ITGA4: variants seen among roughly 807,000 people sequenced by gnomAD.
The protein encoded by ITGA4 is integrin alpha-4.
ITGA4 carries 63 observed loss-of-function variants against 133.6 expected under a neutral mutation model. The observed-to-expected ratio is 0.47, with a 90% CI of 0.38 to 0.58. ITGA4 has a LOEUF of 0.58. Ranked by LOEUF, ITGA4 falls within the 20% of genes least tolerant of loss-of-function variation. The pLI, the probability that ITGA4 is intolerant of heterozygous loss-of-function variation, is 0.00. For missense variants in ITGA4, 1,076 were observed against 1,252.7 expected (o/e 0.86, Z 2.13); for synonymous variants, 483 against 438.0 (o/e 1.10, Z -1.28).
intron 17 of ITGA4, among the ~76,000 whole-genome samples, chr2:181,519,048 A>G (rs1053553484): frequency 6.6e-6 from 1 of 152,090 alleles, no homozygotes; most frequent in African/African-American, 2.4e-5. Context: ...ATAGTTCCAA[A>G]AATGGAAATT....
chr2:181,530,376 C>T, intron 23 of ITGA4, 148 bp from the exon 24 acceptor site: 1 of 688,794 alleles, frequency 1.5e-6, no homozygotes, highest in Non-Finnish European at 2.3e-6. Flanking sequence ...TAATCACTCC[C>T]AAATCTGTCA....
intron 15 of ITGA4, among the ~76,000 whole-genome samples, chr2:181,507,939 T>G (rs1054656814): frequency 1.3e-5 from 2 of 152,154 alleles, no homozygotes; most frequent in Non-Finnish European, 2.9e-5. Flanking sequence ...AGTGCTTACT[T>G]AATCGAATGA....
intron 6 of ITGA4, among the ~76,000 whole-genome samples, chr2:181,481,199 A>G (rs1039071414): frequency 6.6e-6 from 1 of 152,196 alleles, no homozygotes; most frequent in Non-Finnish European, 1.5e-5. Flanking sequence ...TCGAAAAGTC[A>G]TCACAAAGAT....
intron 11 of ITGA4, 120 bp from the exon 12 acceptor site, chr2:181,494,602 A>C (rs1173791412): frequency 1.5e-6 from 1 of 661,284 alleles, no homozygotes; most frequent in East Asian, 2.6e-5. Flanking sequence ...ACTAAAATGC[A>C]GCTTTGTTAG....
chr2:181,484,975 G>C (rs1200737151), intron 9 of ITGA4, among the ~76,000 whole-genome samples: 1 of 152,074 alleles, frequency 6.6e-6, no homozygotes. Flanking sequence ...TAATACAAAA[G>C]ACTGACATGA....
chr2:181,492,765 T>G (rs1686078156), intron 10 of ITGA4, among the ~76,000 whole-genome samples: 2 of 152,216 alleles, frequency 1.3e-5, no homozygotes, highest in Non-Finnish European at 1.5e-5. Context: ...TGCAGATATC[T>G]CTAACAGATA....
Position 181,537,103 on chromosome 2 carries a change from T to TTTATGACATTTATGTA in ITGA4, c.*1579_*1594dup, listed in dbSNP as rs1263258016. 1.8e-5 allele frequency: 8 copies of TTTATGACATTTATGTA among 452,484 alleles called. No individual in the cohort carries two copies. Among genetic ancestry groups the TTTATGACATTTATGTA allele is most frequent in the Admixed American group, 7.1e-5 (3 of 42,216 alleles). The allele number at this position is 452,484 out of a possible 1,614,324, so 28.0% of individuals were successfully genotyped here. ...AGAGTGTGTATACACAGGAATAAAC[T>TTTATGACATTTATGTA]TTATGACATTTATGTATTTTTAAAA... is the stretch of plus-strand genomic sequence containing the variant. On this transcript the variant is annotated 3_prime_UTR_variant, in exon 28 of 28. Transcript: ENST00000397033.
intron 15 of ITGA4, 152 bp from the exon 16 acceptor site, chr2:181,509,506 T>C (rs144335820): frequency 5.7e-4 from 261 of 459,216 alleles, no homozygotes; most frequent in African/African-American, 2.9e-3. Flanking sequence ...TGAAAAAATA[T>C]ACATCTTCAT....
chr2:181,475,248 A>G lies in ITGA4; in HGVS notation c.516A>G (p.Leu172=). ...TGGCYGVPPD[L]RTELSKRIAP... is the part of the protein sequence containing the mutation. ...GTTGCTATGGAGTGCCCCCTGATTT[A>G]CGAACAGAACTGAGTAAAAGAATAG... Residue 172 remains leucine (L), a synonymous_variant, in exon 4 of 28, where the codon TTA becomes TTG. Transcript: ENST00000397033. 1 of 1,613,208 alleles carries G rather than the reference A, an allele frequency of 6.2e-7. No homozygotes were observed. Among genetic ancestry groups the G allele is most frequent in the South Asian group, 1.1e-5 (1 of 91,056 alleles).
At chr2:181,474,352 G>A (rs1685625549) in intron 2 of ITGA4, among the ~76,000 whole-genome samples, 1 of 152,074 alleles carries the variant, frequency 6.6e-6, no homozygotes, top group Non-Finnish European at 1.5e-5. Context: ...AGATAATCTG[G>A]TTTCCAAATC....
In ITGA4 at chr2:181,537,023, G is replaced by C. The variant is rs1009996971; in HGVS notation, c.*1496G>C. 1 of 446,384 alleles carries C rather than the reference G, an allele frequency of 2.2e-6. No homozygotes were observed. The allele number at this position is 446,384 out of a possible 1,614,324, so 27.7% of individuals were successfully genotyped here. On this transcript the variant is annotated 3_prime_UTR_variant, in exon 28 of 28. Coordinates refer to ENST00000397033, the MANE Select transcript of ITGA4 (RefSeq NM_000885.6). ...CTGCAGTGATGGTGAGGAATGTTCT[G>C]AGATTTGCGAAGGCATTTGAGTAGT... is the stretch of plus-strand genomic sequence containing the variant.
intron 15 of ITGA4, among the ~76,000 whole-genome samples, chr2:181,509,193 T>C (rs1686455561): frequency 7.6e-6 from 1 of 131,080 alleles, no homozygotes; most frequent in Non-Finnish European, 1.6e-5. Context: ...CTAAAAAGGA[T>C]GTTTTATAAT....
At chr2:181,493,655 C>T (rs1686101633) in intron 11 of ITGA4, among the ~76,000 whole-genome samples, 1 of 152,182 alleles carries the variant, frequency 6.6e-6, no homozygotes, top group South Asian at 2.1e-4. Flanking sequence ...GTCTATAGCC[C>T]ATTAAAGATT....
In ITGA4 at chr2:181,482,431, T is replaced by C; in HGVS notation, c.903+9T>C. The C allele has an allele frequency of 6.2e-7, 1 of 1,613,318 alleles. No individual in the cohort carries two copies. Among genetic ancestry groups the C allele is most frequent in the Non-Finnish European group, 8.5e-7 (1 of 1,179,514 alleles). On this transcript the variant is annotated intron_variant, in intron 8 of 27. Coordinates refer to ENST00000397033, the MANE Select transcript of ITGA4 (RefSeq NM_000885.6). ...AAATGAAAGGTAAAAAGGTAATATG[T>C]CTCTACCTTTAGTATCTCTGTGGGC...
At chr2:181,488,547 C>T (rs1432067875) in intron 10 of ITGA4, among the ~76,000 whole-genome samples, 1 of 151,676 alleles carries the variant, frequency 6.6e-6, no homozygotes, top group African/African-American at 2.4e-5. Flanking sequence ...TCTACTTGGT[C>T]CAGTTCTTTT....
intron 16 of ITGA4, among the ~76,000 whole-genome samples, chr2:181,510,643 A>C (rs1686487911): frequency 6.6e-6 from 1 of 152,120 alleles, no homozygotes; most frequent in Admixed American, 6.6e-5. Context: ...TGAGCTTACA[A>C]TCACCACTAG....
Position 181,495,386 on chromosome 2 carries a change from C to T in ITGA4, c.1355C>T (p.Ala452Val). The change falls in exon 13 of 28, where the codon GCT becomes GTT. Residue 452 changes from alanine (A) to valine (V), a missense_variant. Ala to Val is a moderately conservative substitution (Grantham distance 64, BLOSUM62 0). Around this residue, in one of 4 missense-constraint regions of ITGA4, gnomAD observed 436 missense variants for 590.7 expected, o/e 0.74. Transcript: ENST00000397033. This position sits in a 1 kb window ranked among gnomAD's most constrained non-coding sequence, Gnocchi z 4.3. ...TATCCTCCAGATGTAGCAGTTGGTGCTTTTCGGTCTGATTCTGCTGTCTTG... is the reference window on the plus strand; with the variant it reads ...TATCCTCCAGATGTAGCAGTTGGTGTTTTTCGGTCTGATTCTGCTGTCTTG... ...NNGYVDVAVG[A>V]FRSDSAVLLR... 6.2e-7 allele frequency: 1 copy of T among 1,610,684 alleles called. No individual in the cohort carries two copies. Among genetic ancestry groups the T allele is most frequent in the Non-Finnish European group, 8.5e-7 (1 of 1,177,054 alleles).
chr2:181,482,339 T>C, intron 7 of ITGA4, 21 bp from the exon 8 acceptor site: 1 of 1,584,402 alleles, frequency 6.3e-7, no homozygotes, highest in Non-Finnish European at 8.6e-7. Context: ...AAAACTTTTC[T>C]AATTCTTTCC....
At position 181,495,540 on chromosome 2, in the gene ITGA4, T is replaced by C; in HGVS notation, c.1385+124T>C. 1.3e-6 allele frequency: 1 copy of C among 780,290 alleles called. No homozygotes were observed. Among genetic ancestry groups the C allele is most frequent in the Non-Finnish European group, 2.2e-6 (1 of 459,574 alleles). The allele number at this position is 780,290 out of a possible 1,614,324, so 48.3% of individuals were successfully genotyped here. On this transcript the variant is annotated intron_variant, in intron 13 of 27. Coordinates refer to ENST00000397033, the MANE Select transcript of ITGA4 (RefSeq NM_000885.6). The surrounding 1 kb of genome is among the most constrained non-coding windows in gnomAD (Gnocchi z 4.3). ...GCTCTTTTGGTATTCTGAAGCTTAA[T>C]TATTGATTTTTAGGGTATTTTTTTC... is the stretch of plus-strand genomic sequence containing the variant.
Sources: gnomAD v4.1 joint callset for allele counts (sites outside exome capture counted in the v4.1 genomes callset) on GRCh38, gnomAD v4.1.1 for gene constraint, gnomAD v4.1.1 regional missense constraint, Gnocchi (gnomAD v3.1) non-coding constraint, MANE v1.5 for transcripts, NCBI Gene and HGNC (gene_info 2026-07-23, HGNC 2026-07-21) for gene names.